KRT82: variants seen among roughly 807,000 people sequenced by gnomAD.
The protein encoded by KRT82 is keratin 82.
In KRT82, 44 loss-of-function variants were observed where a neutral mutation model predicts 48.0. The ratio of observed to expected loss-of-function variants is 0.92; its 90% CI spans 0.72 to 1.18. KRT82 has a LOEUF of 1.18. Ranked by LOEUF, KRT82 falls within the 50% of genes most tolerant of loss-of-function variation. KRT82 has a pLI of 0.00. For synonymous variants in KRT82, 297 were observed against 278.3 expected, an observed-to-expected ratio of 1.07 and a Z score of -0.67; for missense variants, 701 against 671.4, an observed-to-expected ratio of 1.04 and a Z score of -0.49.
rs1171243248 is a variant in KRT82, at chr12:52,394,309, A to C, written c.*666T>G. The C allele has an allele frequency of 2.0e-5, 3 of 152,960 alleles. No individual in the cohort carries two copies. The highest frequency in any genetic ancestry group is 7.2e-5 in the African/African-American group (3 of 41,440). The allele number at this position is 152,960 out of a possible 1,614,324, so 9.5% of individuals were successfully genotyped here. On this transcript the variant is annotated 3_prime_UTR_variant, in exon 9 of 9. Coordinates refer to ENST00000257974, the MANE Select transcript of KRT82 (RefSeq NM_033033.4). ...GCCCTTTGTTCTAGGCATTGGCCTG[A>C]CATCACCTGCCAATGTGAGCTCAGG...
intron 8 of KRT82, 111 bp from the exon 9 acceptor site, chr12:52,395,306 C>A (rs1386017861): frequency 2.2e-5 from 19 of 846,246 alleles, no homozygotes; most frequent in Non-Finnish European, 2.8e-5. Flanking sequence ...CTCACCTCTA[C>A]AGACACCCCA....
chr12:52,404,767 T>A (rs1254106537), intron 1 of KRT82, among the ~76,000 whole-genome samples: 1 of 152,246 alleles, frequency 6.6e-6, no homozygotes, highest in African/African-American at 2.4e-5. Context: ...TAGCCAGAAC[T>A]TAATAAGCTT....
intron 5 of KRT82, among the ~76,000 whole-genome samples, chr12:52,399,115 G>A (rs1424556163): frequency 6.6e-6 from 1 of 152,152 alleles, no homozygotes; most frequent in Non-Finnish European, 1.5e-5. Context: ...TTTGGTTTGG[G>A]AAGCACATCC....
chr12:52,401,491 A>G, intron 2 of KRT82, 142 bp from the exon 3 acceptor site: 1 of 702,722 alleles, frequency 1.4e-6, no homozygotes, highest in Non-Finnish European at 2.5e-6. Context: ...TGTCTTGGCA[A>G]CTCTAGCTCC....
At position 52,400,127 on chromosome 12, in the gene KRT82, T is replaced by C; in HGVS notation, c.800A>G (p.Gln267Arg). 2.5e-6 allele frequency: 4 copies of C among 1,613,844 alleles called. No individual in the cohort carries two copies. The highest frequency in any genetic ancestry group is 3.4e-6 in the Non-Finnish European group (4 of 1,179,764). ...CACAATGACCGAGGTCTCAGAGATC[T>C]GAGACTGGAGCAGGCAGATCTCCTG... ...YEEEICLLQS[Q>R]ISETSVIVKM... Residue 267 changes from glutamine to arginine, a missense_variant, in exon 5 of 9, where the codon CAG (glutamine) becomes CGG (arginine). By Grantham distance (43) the Gln-to-Arg change is conservative (BLOSUM62 1). Transcript: ENST00000257974.
rs1194499799 is a variant in KRT82 at position 52,400,625 on chromosome 12, G to A, written c.682-3C>T. On this transcript the variant is annotated splice_region_variant and splice_polypyrimidine_tract_variant and intron_variant, in intron 3 of 8. Coordinates refer to ENST00000257974, the MANE Select transcript of KRT82 (RefSeq NM_033033.4). ...ATCAGGAAGGCTGTGTCCACGTCCT[G>A]CAGCAGAGCAGGGACAGAATGTGAC... is the stretch of plus-strand genomic sequence containing the variant. 3.7e-6 allele frequency: 6 copies of A among 1,610,286 alleles called. No individual in the cohort carries two copies. The highest frequency in any genetic ancestry group is 5.1e-6 in the Non-Finnish European group (6 of 1,176,694).
Position 52,400,063 on chromosome 12 carries a change from G to T in KRT82, c.864C>A (p.Ile288=). Reference sequence around the variant, plus strand: ...CATACTGCGCCTTGATCTCAGCGATGATGCCGTCCACGTCCAGCTCCCGGC... The same window carrying T: ...CATACTGCGCCTTGATCTCAGCGATTATGCCGTCCACGTCCAGCTCCCGGC... The part of the protein sequence containing the change: ...DNSRELDVDG[I]IAEIKAQYDD... The change falls in exon 5 of 9, where the codon ATC becomes ATA. Residue 288 remains isoleucine, a synonymous_variant. Transcript: ENST00000257974. 6.2e-7 allele frequency: 1 copy of T among 1,614,208 alleles called. No individual in the cohort carries two copies. The highest frequency in any genetic ancestry group is 8.5e-7 in the Non-Finnish European group (1 of 1,180,024).
At chr12:52,401,104 G>A (rs967658268) in intron 3 of KRT82, among the ~76,000 whole-genome samples, 185 bp downstream of exon 3, 3 of 152,148 alleles carry the variant, frequency 2.0e-5, no homozygotes, top group Non-Finnish European at 2.9e-5. Context: ...GGACAAAGTT[G>A]GGGGAGAGGA....
intron 1 of KRT82, among the ~76,000 whole-genome samples, chr12:52,404,671 G>A (rs1565783800): frequency 6.6e-6 from 1 of 152,200 alleles, no homozygotes. Context: ...TCTGGTCAGT[G>A]GCTGCATCAA....
chr12:52,399,767 G>C (rs564842767), intron 5 of KRT82, among the ~76,000 whole-genome samples: 1 of 152,360 alleles, frequency 6.6e-6, no homozygotes, highest in Admixed American at 6.5e-5. Context: ...TGGATTGTCC[G>C]GGGCGGGGAG....
intron 5 of KRT82, 91 bp from the exon 6 acceptor site, chr12:52,397,099 C>T (rs940415657): frequency 6.7e-7 from 1 of 1,497,708 alleles, no homozygotes; most frequent in African/African-American, 1.4e-5. Context: ...TCTCCCGTGA[C>T]TTCCTAGTTC....
rs150627796 is a variant in KRT82, at chr12:52,401,346, G to A, written c.624C>T (p.Tyr208=). ...QAALEGYKKK[Y]EEELSLRPCV... ...AGGGACGCAGGGAGAGCTCCTCTTC[G>A]TATCTGATGGAAAAGGCAGGAAAAA... Residue 208 remains tyrosine, a synonymous_variant, in exon 3 of 9, where the codon TAC becomes TAT. Transcript: ENST00000257974. 2.8e-5 allele frequency: 45 copies of A among 1,613,948 alleles called. No individual in the cohort carries two copies. The highest frequency in any genetic ancestry group is 1.3e-4 in the East Asian group (6 of 44,884).
rs1408455207 is a variant in KRT82, at chr12:52,394,838, G to A, written c.*137C>T. The A allele has an allele frequency of 1.3e-6, 1 of 753,164 alleles. No homozygotes were observed. The highest frequency in any genetic ancestry group is 1.7e-5 in the South Asian group (1 of 57,906). 46.7% of individuals were successfully genotyped at this position (753,164 alleles called of 1,614,324 possible). ...TCCTAGGGGCAGCTCAGCTCTCAAG[G>A]AGGGAACACTGGAGGGGAATGTGGA... On this transcript the variant is annotated 3_prime_UTR_variant, in exon 9 of 9. Coordinates refer to ENST00000257974, the MANE Select transcript of KRT82 (RefSeq NM_033033.4).
At chr12:52,399,227 T>C (rs1565781912) in intron 5 of KRT82, among the ~76,000 whole-genome samples, 1 of 152,216 alleles carries the variant, frequency 6.6e-6, no homozygotes, top group Non-Finnish European at 1.5e-5. Flanking sequence ...ATACATCCAC[T>C]GCACTTATGT....
intron 6 of KRT82, among the ~76,000 whole-genome samples, chr12:52,396,598 G>A (rs959440055): frequency 6.6e-6 from 1 of 152,164 alleles, no homozygotes; most frequent in South Asian, 2.1e-4. Flanking sequence ...AGGGACCGTG[G>A]AGTGCATCTT....
chr12:52,405,567 T>A (rs1349194502), intron 1 of KRT82, among the ~76,000 whole-genome samples: 1 of 152,224 alleles, frequency 6.6e-6, no homozygotes, highest in African/African-American at 2.4e-5. Context: ...CCTTTCAGTA[T>A]TGCTTTGGAA....
rs1330665804 is a variant in KRT82 at position 52,396,214 on chromosome 12, C to T, written c.1087G>A (p.Ala363Thr). The change falls in exon 7 of 9, where the codon GCC becomes ACC. Residue 363 changes from alanine to threonine, a missense_variant. Ala to Thr is a moderately conservative substitution (Grantham distance 58, BLOSUM62 0). Transcript: ENST00000257974. The stretch of plus-strand genomic sequence containing the variant: ...CCCTGCTGCTCTGCCTCAGCTATGG[C>T]ACCCTCAAGTTTGCAGCGCTGTGGG... ...VKAQRCKLEG[A>T]IAEAEQQGEA... 6.2e-7 allele frequency: 1 copy of T among 1,613,452 alleles called. No individual in the cohort carries two copies. The highest frequency in any genetic ancestry group is 8.5e-7 in the Non-Finnish European group (1 of 1,179,990).
chr12:52,395,904 T>C (rs1939705943), intron 7 of KRT82, 108 bp downstream of exon 7: 1 of 1,480,894 alleles, frequency 6.8e-7, no homozygotes, highest in Non-Finnish European at 9.1e-7. Context: ...GGGTTTTCAA[T>C]GAATGTGGGT....
At chr12:52,400,470 C>A in intron 4 of KRT82, 57 bp downstream of exon 4, 1 of 1,356,108 alleles carries the variant, frequency 7.4e-7, no homozygotes, top group South Asian at 1.2e-5. Flanking sequence ...CTCTGCTGCC[C>A]TCTCGATCCC....
Sources: gnomAD v4.1 joint callset for allele counts (sites outside exome capture counted in the v4.1 genomes callset) on GRCh38, gnomAD v4.1.1 for gene constraint, MANE v1.5 for transcripts, NCBI Gene and HGNC (gene_info 2026-07-23, HGNC 2026-07-21) for gene names.